Variants in COL4A1 observed in about 807,000 individuals in gnomAD.
COL4A1 encodes the protein collagen type IV alpha 1 chain, also known as collagen alpha-1(IV) chain.
Under a neutral mutation model 216.6 loss-of-function variants are expected in COL4A1, and 40 were observed. The observed-to-expected ratio is 0.18, with a 90% CI of 0.14 to 0.24. COL4A1 has a LOEUF of 0.24. Among genes scored for constraint, COL4A1 ranks in the 10% least tolerant of loss-of-function variants. The pLI is 1.00. For synonymous variants in COL4A1, 839 were observed against 810.7 expected (o/e 1.03, Z -0.59); for missense variants, 1,628 against 2,196.8 (o/e 0.74, Z 5.18).
At chr13:110,252,780 T>C (rs1023788573) in intron 1 of COL4A1, among the ~76,000 whole-genome samples, 6 of 112,756 alleles carry the variant, frequency 5.3e-5, no homozygotes, top group African/African-American at 1.9e-4. Context: ...TATAAACATA[T>C]AATTATAAGT....
rs1877378554 is a variant in COL4A1 at position 110,167,073 on chromosome 13, A to T, written c.3949+85T>A. 5.8e-6 allele frequency: 6 copies of T among 1,040,550 alleles called. No homozygotes were observed. In the South Asian group the frequency reaches 7.5e-5, roughly 13 times the overall value. The allele number at this position is 1,040,550 out of a possible 1,614,324, so 64.5% of individuals were successfully genotyped here. On this transcript the variant is annotated intron_variant, in intron 44 of 51. Transcript: ENST00000375820. ...GTGCTATAATGGCAGCGGTGCTATCAGTGCTAAGGTGCCCGAGGTTAGCAA... is the reference window on the plus strand; with the variant it reads ...GTGCTATAATGGCAGCGGTGCTATCTGTGCTAAGGTGCCCGAGGTTAGCAA...
chr13:110,176,839 C>T, intron 34 of COL4A1, 46 bp downstream of exon 34: 3 of 1,614,068 alleles, frequency 1.9e-6, no homozygotes, highest in African/African-American at 2.7e-5. Flanking sequence ...CCAGGAAAGG[C>T]ACATTGTGGT....
intron 1 of COL4A1, among the ~76,000 whole-genome samples, chr13:110,256,540 G>A (rs1882578766): frequency 6.6e-6 from 1 of 152,298 alleles, no homozygotes. Context: ...AGCAAAGGAG[G>A]AAATTCCAGA....
chr13:110,208,234 G>A (rs1267557258), intron 12 of COL4A1, among the ~76,000 whole-genome samples: 3 of 152,238 alleles, frequency 2.0e-5, no homozygotes, highest in Non-Finnish European at 4.4e-5. Context: ...CCTCCTCTCT[G>A]CAGGATGAAG....
chr13:110,161,672 C>T (rs1271857930), intron 48 of COL4A1, among the ~76,000 whole-genome samples: 1 of 151,568 alleles, frequency 6.6e-6, no homozygotes, highest in African/African-American at 2.4e-5. Context: ...AATGCAGATG[C>T]TCTTTCTATA....
intron 1 of COL4A1, among the ~76,000 whole-genome samples, chr13:110,259,831 G>A (rs970964169): frequency 4.6e-5 from 7 of 152,240 alleles, no homozygotes; most frequent in African/African-American, 1.7e-4. Context: ...CTCTGCATCT[G>A]TTCTTGTGCA....
intron 49 of COL4A1, among the ~76,000 whole-genome samples, chr13:110,158,445 T>C (rs957178664): frequency 6.6e-6 from 1 of 152,090 alleles, no homozygotes; most frequent in Non-Finnish European, 1.5e-5. Flanking sequence ...ATGAAAGGAG[T>C]TGGGCTAAAG....
intron 42 of COL4A1, among the ~76,000 whole-genome samples, chr13:110,170,085 A>C (rs1877549328): frequency 4.9e-5 from 5 of 102,696 alleles, no homozygotes; most frequent in East Asian, 3.1e-4. Context: ...GGGGAGGGGA[A>C]GGAGGGAGGG....
At chr13:110,257,902 A>C (rs1882649732) in intron 1 of COL4A1, among the ~76,000 whole-genome samples, 1 of 152,240 alleles carries the variant, frequency 6.6e-6, no homozygotes, top group Non-Finnish European at 1.5e-5. Context: ...AACCATTCAT[A>C]ATTTATTATA....
chr13:110,284,346 C>T (rs960921256), intron 1 of COL4A1, among the ~76,000 whole-genome samples: 1 of 152,170 alleles, frequency 6.6e-6, no homozygotes, highest in African/African-American at 2.4e-5. Context: ...ATGTGACCCC[C>T]ACAGCTTTTA....
chr13:110,187,028 C>A, intron 25 of COL4A1, 110 bp downstream of exon 25: 1 of 1,367,770 alleles, frequency 7.3e-7, no homozygotes, highest in Non-Finnish European at 1.0e-6. Flanking sequence ...TTCATTTGTG[C>A]CATCATCAAG....
intron 46 of COL4A1, 96 bp downstream of exon 46, chr13:110,164,766 C>A (rs1877256887): frequency 1.3e-6 from 2 of 1,525,660 alleles, no homozygotes; most frequent in South Asian, 1.2e-5. Flanking sequence ...ATAATCATTA[C>A]CCAGAAACTT....
chr13:110,228,955 C>T (rs72654161), intron 2 of COL4A1, among the ~76,000 whole-genome samples: 512 of 152,236 alleles, frequency 3.4e-3, no homozygotes, highest in Non-Finnish European at 5.7e-3. Context: ...CAACTTGGAA[C>T]GTGATTTTTC....
chr13:110,168,600 C>A (rs1877453023), intron 43 of COL4A1, among the ~76,000 whole-genome samples: 1 of 152,204 alleles, frequency 6.6e-6, no homozygotes. Context: ...TATTGTTTTG[C>A]ACCCAGCAAG....
At chr13:110,228,084 G>A (rs897272231) in intron 2 of COL4A1, among the ~76,000 whole-genome samples, 2 of 152,166 alleles carry the variant, frequency 1.3e-5, no homozygotes, top group African/African-American at 4.8e-5. Flanking sequence ...GGACATACAC[G>A]CGCCTTACAG....
intron 27 of COL4A1, 21 bp from the exon 28 acceptor site, chr13:110,183,118 A>T (rs1269633378): frequency 8.1e-6 from 13 of 1,612,138 alleles, no homozygotes; most frequent in Non-Finnish European, 1.1e-5. Context: ...AAAGACCAAC[A>T]GTCAGCGTGA....
chr13:110,151,209 C>CA (rs1217864641), intron 51 of COL4A1, among the ~76,000 whole-genome samples: 3 of 151,996 alleles, frequency 2.0e-5, no homozygotes, highest in Non-Finnish European at 4.4e-5. Flanking sequence ...ACTTTTGGTG[C>CA]AAATTCTAGT....
At chr13:110,232,607 T>C (rs1002916231) in intron 2 of COL4A1, among the ~76,000 whole-genome samples, 25 of 152,226 alleles carry the variant, frequency 1.6e-4, no homozygotes, top group African/African-American at 5.8e-4. Flanking sequence ...AGCCAATGTT[T>C]TGTCAAGATC....
chr13:110,246,303 T>C (rs1178557249), intron 1 of COL4A1, among the ~76,000 whole-genome samples: 1 of 151,978 alleles, frequency 6.6e-6, no homozygotes, highest in Non-Finnish European at 1.5e-5. Context: ...CACCCTGGCA[T>C]ATGAAGGTAT....
Sources: gnomAD v4.1 joint callset for allele counts (sites outside exome capture counted in the v4.1 genomes callset) on GRCh38, gnomAD v4.1.1 for gene constraint, MANE v1.5 for transcripts, NCBI Gene and HGNC (gene_info 2026-07-23, HGNC 2026-07-21) for gene names.